NUMB: variants seen among roughly 807,000 people sequenced by gnomAD.
NUMB encodes the protein NUMB endocytic adaptor protein, also known as protein numb homolog.
Under a neutral mutation model 59.7 loss-of-function variants are expected in NUMB, and 29 were observed. That is an observed-to-expected ratio of 0.49 (90% CI 0.36 to 0.66). NUMB has a LOEUF of 0.66. NUMB is among the 30% of genes least tolerant of loss of function. The pLI, the probability that NUMB is intolerant of heterozygous loss-of-function variation, is 0.00. For synonymous variants in NUMB, 288 were observed against 288.2 expected (o/e 1.00, Z 0.01); for missense variants, 723 against 822.0 (o/e 0.88, Z 1.47).
At chr14:73,336,944 C>A (rs1216172206) in intron 4 of NUMB, among the ~76,000 whole-genome samples, 1 of 152,084 alleles carries the variant, frequency 6.6e-6, no homozygotes, top group Non-Finnish European at 1.5e-5. Context: ...AAATCATAAT[C>A]ATCTCGGCTA....
intron 1 of NUMB, among the ~76,000 whole-genome samples, chr14:73,421,251 C>T (rs1004530594): frequency 6.6e-6 from 1 of 151,994 alleles, no homozygotes; most frequent in African/African-American, 2.4e-5. Context: ...GTGGTGCAAT[C>T]TCGGCCCACT....
intron 2 of NUMB, among the ~76,000 whole-genome samples, chr14:73,382,928 T>G (rs1262350210): frequency 2.6e-5 from 4 of 152,098 alleles, no homozygotes; most frequent in African/African-American, 9.7e-5. Context: ...GGCAGATCAC[T>G]TGAGGGCAGG....
At chr14:73,423,338 GAAAA>G (rs34877673) in intron 1 of NUMB, among the ~76,000 whole-genome samples, 2 of 111,078 alleles carry the variant, frequency 1.8e-5, no homozygotes, top group Non-Finnish European at 3.9e-5. Flanking sequence ...TGTCTCTACT[GAAAA>G]AAAAAAAAAA....
At chr14:73,420,856 A>T (rs1897320806) in intron 1 of NUMB, among the ~76,000 whole-genome samples, 2 of 152,218 alleles carry the variant, frequency 1.3e-5, no homozygotes, top group Admixed American at 1.3e-4. Context: ...CCCGAGCAAC[A>T]GAGCCAGACC....
intron 4 of NUMB, among the ~76,000 whole-genome samples, chr14:73,340,385 C>T (rs901316335): frequency 4.6e-5 from 7 of 152,230 alleles, no homozygotes; most frequent in Non-Finnish European, 8.8e-5. Context: ...ACTGCGCCAT[C>T]TGGCCCAGTG....
At chr14:73,307,014 A>C (rs55995054) in intron 6 of NUMB, among the ~76,000 whole-genome samples, 23,816 of 152,152 alleles carry the variant, frequency 0.16, 2,699 homozygotes, top group Non-Finnish European at 0.23. Flanking sequence ...CTATCAGATA[A>C]AAATAAAGCT....
intron 1 of NUMB, among the ~76,000 whole-genome samples, chr14:73,432,623 C>T (rs898880450): frequency 6.6e-6 from 1 of 152,096 alleles, no homozygotes; most frequent in African/African-American, 2.4e-5. Context: ...ATTAAACTCA[C>T]ATATCATGTT....
chr14:73,349,989 G>A (rs1485130945), intron 4 of NUMB, among the ~76,000 whole-genome samples: 1 of 152,078 alleles, frequency 6.6e-6, no homozygotes, highest in African/African-American at 2.4e-5. Context: ...CAGAAGCAGT[G>A]AGGCGTGGTT....
At chr14:73,406,144 T>C (rs969105611) in intron 2 of NUMB, among the ~76,000 whole-genome samples, 1 of 151,758 alleles carries the variant, frequency 6.6e-6, no homozygotes, top group Non-Finnish European at 1.5e-5. Flanking sequence ...GTGCACAACG[T>C]GCAGGTTTGT....
Position 73,275,440 on chromosome 14 carries a change from C to T in NUMB, c.*1138G>A, listed in dbSNP as rs1371722839. 1 of 152,290 alleles carries T rather than the reference C, an allele frequency of 6.6e-6. No individual in the cohort carries two copies. The highest frequency in any genetic ancestry group is 1.5e-5 in the Non-Finnish European group (1 of 67,988). The allele number at this position is 152,290 out of a possible 1,614,324, so 9.4% of individuals were successfully genotyped here. A position where few individuals can be genotyped will look rare whatever the true frequency, so the allele number is the denominator to read the frequency against. On this transcript the variant is annotated 3_prime_UTR_variant, in exon 13 of 13. Transcript: ENST00000555238. The stretch of plus-strand genomic sequence containing the variant: ...CACAAAGCTAATAAAACCAGAATCC[C>T]CATCCCCACAAAACTCATGGGAACA...
chr14:73,321,391 T>C (rs2139919551), intron 5 of NUMB, among the ~76,000 whole-genome samples: 1 of 152,044 alleles, frequency 6.6e-6, no homozygotes, highest in East Asian at 1.9e-4. Flanking sequence ...TGTTCTTAGC[T>C]AAAATCATCT....
At chr14:73,410,904 T>G (rs1008554105) in intron 1 of NUMB, among the ~76,000 whole-genome samples, 3 of 152,206 alleles carry the variant, frequency 2.0e-5, no homozygotes, top group Non-Finnish European at 4.4e-5. Flanking sequence ...GATTAGTCCC[T>G]CCTCTGAAAA....
chr14:73,375,094 C>A (rs1424265772), intron 2 of NUMB, among the ~76,000 whole-genome samples: 3 of 152,042 alleles, frequency 2.0e-5, no homozygotes, highest in Non-Finnish European at 4.4e-5. Context: ...GTCAGCCTGG[C>A]CTATATTAAC....
intron 2 of NUMB, among the ~76,000 whole-genome samples, chr14:73,390,597 C>G (rs930691251): frequency 9.3e-6 from 1 of 107,530 alleles, no homozygotes; most frequent in Admixed American, 1.0e-4. Flanking sequence ...ACCCTACTGT[C>G]TTATTTATAA....
rs1394946892 is a variant in NUMB, at chr14:73,279,333, A to C, written c.1188T>G (p.Pro396=). The change falls in exon 12 of 13, where the codon CCT becomes CCG. Residue 396 remains proline, a synonymous_variant. Coordinates refer to ENST00000555238, the MANE Select transcript of NUMB (RefSeq NM_001005743.2). ...PVAMPVRETN[P]WAHAPDAANK... Reference sequence around the variant, plus strand: ...TAGCAGCATCAGGGGCATGGGCCCAAGGGTTGGTTTCACGCACAGGCATTG... The same window carrying C: ...TAGCAGCATCAGGGGCATGGGCCCACGGGTTGGTTTCACGCACAGGCATTG... 1 of 1,614,050 alleles carries C rather than the reference A, an allele frequency of 6.2e-7. No individual in the cohort carries two copies. Among genetic ancestry groups the C allele is most frequent in the Admixed American group, 1.7e-5 (1 of 59,996 alleles).
intron 2 of NUMB, among the ~76,000 whole-genome samples, chr14:73,382,060 A>G (rs17127149): frequency 0.051 from 7,838 of 152,306 alleles, 653 homozygotes; most frequent in African/African-American, 0.18. Context: ...AAGCAATCAC[A>G]GAAAAGACAG....
chr14:73,341,262 G>A (rs1892617796), intron 4 of NUMB, among the ~76,000 whole-genome samples: 1 of 151,936 alleles, frequency 6.6e-6, no homozygotes, highest in African/African-American at 2.4e-5. Context: ...TACGTGGTGG[G>A]GAATCAAGAT....
At chr14:73,402,448 C>T (rs1896463193) in intron 2 of NUMB, among the ~76,000 whole-genome samples, 1 of 152,152 alleles carries the variant, frequency 6.6e-6, no homozygotes, top group Non-Finnish European at 1.5e-5. Context: ...AGATTACACA[C>T]TATATTACTA....
chr14:73,327,638 A>G (rs1891733605), intron 4 of NUMB, among the ~76,000 whole-genome samples: 1 of 152,196 alleles, frequency 6.6e-6, no homozygotes, highest in African/African-American at 2.4e-5. Flanking sequence ...ATTATTGAGC[A>G]AAACTAAAAA....
Sources: allele counts gnomAD v4.1 joint callset (sites outside exome capture counted in the v4.1 genomes callset), GRCh38; gene constraint gnomAD v4.1.1; transcripts MANE v1.5; gene names NCBI Gene and HGNC (gene_info 2026-07-23, HGNC 2026-07-21).